Variants in TTC39C observed in about 807,000 individuals in gnomAD.
The protein encoded by TTC39C is tetratricopeptide repeat domain 39C.
TTC39C carries 33 observed loss-of-function variants against 76.3 expected under a neutral mutation model. The ratio of observed to expected loss-of-function variants is 0.43; its 90% CI spans 0.33 to 0.58. TTC39C has a LOEUF of 0.58. Ranked by LOEUF, TTC39C falls within the 20% of genes least tolerant of loss-of-function variation. TTC39C has a pLI of 0.04. For synonymous variants in TTC39C, 254 were observed against 260.6 expected, an observed-to-expected ratio of 0.97 and a Z score of 0.24; for missense variants, 595 against 701.4, an observed-to-expected ratio of 0.85 and a Z score of 1.71.
intron 6 of TTC39C, among the ~76,000 whole-genome samples, chr18:24,106,079 A>T (rs1451852234): frequency 6.6e-6 from 1 of 152,166 alleles, no homozygotes; most frequent in Non-Finnish European, 1.5e-5. Flanking sequence ...CTCCAGTGTG[A>T]CCTGGTCTAA....
chr18:24,056,344 G>A (rs2145719543), intron 1 of TTC39C, among the ~76,000 whole-genome samples: 1 of 152,218 alleles, frequency 6.6e-6, no homozygotes, highest in African/African-American at 2.4e-5. Context: ...CACATTTGAA[G>A]GGGAGAAAAG....
intron 1 of TTC39C, chr18:24,020,304 C>T: frequency 4.0e-6 from 4 of 993,246 alleles, no homozygotes; most frequent in Non-Finnish European, 4.8e-6. Flanking sequence ...CTTGAGATTC[C>T]TTTTAAAATG....
At chr18:24,053,277 A>G (rs1292068214) in intron 1 of TTC39C, among the ~76,000 whole-genome samples, 2 of 148,184 alleles carry the variant, frequency 1.3e-5, no homozygotes, top group Non-Finnish European at 3.0e-5. Context: ...TTTCCCATTT[A>G]TCACTTCCAA....
intron 1 of TTC39C, among the ~76,000 whole-genome samples, chr18:24,045,031 G>A (rs1372168024): frequency 1.3e-5 from 2 of 152,084 alleles, no homozygotes; most frequent in Non-Finnish European, 2.9e-5. Flanking sequence ...CACTTTGGGA[G>A]GCCAAGGCAG....
chr18:24,067,714 G>A (rs1366383624), intron 3 of TTC39C, among the ~76,000 whole-genome samples: 2 of 152,094 alleles, frequency 1.3e-5, no homozygotes, highest in Non-Finnish European at 2.9e-5. Flanking sequence ...CGTGAAGCTG[G>A]TCCCTGGTGC....
rs1384982613 is a variant in TTC39C, at chr18:24,125,514, A to C, written c.1384A>C (p.Asn462His). The change falls in exon 10 of 14, where the codon AAC (asparagine) becomes CAC (histidine). Residue 462 changes from asparagine to histidine, a missense_variant. Physicochemically the swap from Asn to His is moderately conservative, Grantham distance 68 (BLOSUM62 1). Transcript: ENST00000317571. ...GTTGTACTTGTGGAAAGCTCTTCCA[A>C]ACTGTTCCTTCCCCAACCTGCAGAG... ...EVLYLWKALP[N>H]CSFPNLQRMS... The C allele has an allele frequency of 1.2e-6, 2 of 1,614,160 alleles. No homozygotes were observed. The highest frequency in any genetic ancestry group is 2.2e-5 in the South Asian group (2 of 91,078).
intron 4 of TTC39C, among the ~76,000 whole-genome samples, chr18:24,080,054 G>A (rs1396025654): frequency 3.3e-5 from 5 of 151,978 alleles, no homozygotes; most frequent in Non-Finnish European, 4.4e-5. Flanking sequence ...TGCCCACCAC[G>A]GCCTCCCAAA....
intron 3 of TTC39C, among the ~76,000 whole-genome samples, chr18:24,067,364 G>A (rs766262448): frequency 2.6e-5 from 4 of 152,116 alleles, no homozygotes; most frequent in Non-Finnish European, 5.9e-5. Context: ...AGACACATGG[G>A]TATTTCTGCC....
chr18:24,068,298 T>A (rs1042307453), intron 3 of TTC39C, among the ~76,000 whole-genome samples: 3 of 152,126 alleles, frequency 2.0e-5, no homozygotes. Context: ...AATAGAATAG[T>A]GAGTGCTGGG....
At chr18:24,050,491 G>A (rs1409280490) in intron 1 of TTC39C, among the ~76,000 whole-genome samples, 2 of 149,490 alleles carry the variant, frequency 1.3e-5, no homozygotes. Flanking sequence ...TTGAGCCCGG[G>A]AGGTCAAGGC....
intron 12 of TTC39C, 58 bp from the exon 13 acceptor site, chr18:24,131,823 AT>A: frequency 6.7e-7 from 1 of 1,484,266 alleles, no homozygotes; most frequent in Admixed American, 1.8e-5. Flanking sequence ...CTATTATACC[AT>A]TTTCTGCCTG....
rs540335740 is a variant in TTC39C at position 23,994,690 on chromosome 18, A to G, written c.-17+1652A>G. On this transcript the variant is annotated intron_variant, in intron 1 of 13. Transcript: ENST00000304621. ...AACACTCAAAGCCCCGCAGGGCTGT[A>G]TCTTGGACGGCTGTTGCTACTGAGT... is the stretch of plus-strand genomic sequence containing the variant. Among the ~76,000 whole-genome samples the G allele has an allele frequency of 2.0e-5, 3 of 152,334 alleles. No homozygotes were observed. The East Asian group carries it at 5.8e-4, about 29-fold the overall frequency.
intron 1 of TTC39C, among the ~76,000 whole-genome samples, chr18:24,016,912 CAA>C (rs1392611917): frequency 6.6e-6 from 1 of 152,170 alleles, no homozygotes; most frequent in East Asian, 1.9e-4. Context: ...CTCATGACAA[CAA>C]AAGAGTGAGG....
chr18:24,005,897 G>A (rs2145630537), intron 1 of TTC39C, among the ~76,000 whole-genome samples: 1 of 151,720 alleles, frequency 6.6e-6, no homozygotes, highest in East Asian at 1.9e-4. Context: ...GTGGTTTTCA[G>A]TGTATTTACA....
rs184282738 is a variant in TTC39C at position 24,075,708 on chromosome 18, A to C, written c.461-4877A>C. 9.6e-3 allele frequency among the ~76,000 whole-genome samples: 1,458 copies of C among 151,790 alleles called. 13 individuals carry two copies. The highest frequency in any genetic ancestry group is 0.034 in the Middle Eastern group (10 of 292). On this transcript the variant is annotated intron_variant, in intron 4 of 13. Transcript: ENST00000317571. ...TCAAAAAAAAAAAAAAAAAAACAAA[A>C]AAAAAACCTCTATTATTTGAGACAC... is the stretch of plus-strand genomic sequence containing the variant.
chr18:23,994,103 G>C (rs1355904710), intron 1 of TTC39C: 2 of 152,046 alleles, frequency 1.3e-5, no homozygotes, highest in Non-Finnish European at 2.9e-5. Context: ...ATAAATGAAG[G>C]CTAAAAACAG....
chr18:24,092,123 A>AAATAAT (rs1555775345), intron 6 of TTC39C, among the ~76,000 whole-genome samples: 15,062 of 49,640 alleles, frequency 0.3, 2,350 homozygotes, highest in Non-Finnish European at 0.43. Context: ...AAAAAAAAAA[A>AAATAAT]AATAATAATA....
chr18:24,052,267 G>A (rs935524943), intron 1 of TTC39C, among the ~76,000 whole-genome samples: 12 of 152,134 alleles, frequency 7.9e-5, no homozygotes, highest in South Asian at 2.1e-4. Context: ...AGGGCTGTTC[G>A]GACTTTCTAG....
intron 1 of TTC39C, among the ~76,000 whole-genome samples, chr18:24,032,001 C>T (rs1462636514): frequency 6.6e-6 from 1 of 151,954 alleles, no homozygotes; most frequent in South Asian, 2.1e-4. Context: ...CAGAAGGTGG[C>T]GAAATGGAAA....
Sources: allele counts gnomAD v4.1 joint callset (sites outside exome capture counted in the v4.1 genomes callset), GRCh38; gene constraint gnomAD v4.1.1; transcripts MANE v1.5; gene names NCBI Gene and HGNC (gene_info 2026-07-23, HGNC 2026-07-21).